Variants in CRMP1 observed in about 807,000 individuals in gnomAD.
CRMP1 encodes collapsin response mediator protein 1.
A neutral mutation model predicts 68.3 loss-of-function variants in CRMP1; 19 were observed. The ratio of observed to expected loss-of-function variants is 0.28; its 90% CI spans 0.19 to 0.41. The LOEUF (loss-of-function observed/expected upper bound fraction) is 0.41, where lower values mean the gene tolerates loss of function less well. CRMP1 is among the 10% of genes least tolerant of loss of function. The pLI, the probability that CRMP1 is intolerant of heterozygous loss-of-function variation, is 1.00. For missense variants in CRMP1, 791 were observed against 967.4 expected (o/e 0.82, Z 2.42); for synonymous variants, 439 against 399.6 (o/e 1.10, Z -1.18).
intron 3 of CRMP1, among the ~76,000 whole-genome samples, chr4:5,856,728 TATCGCTCATCACTATCATC>T (rs1366010604): frequency 1.3e-5 from 2 of 148,388 alleles, no homozygotes; most frequent in Non-Finnish European, 3.0e-5. Context: ...TCACTATCAT[TATCGCTCATCACTATCATC>T]ACCTCCACCA....
In CRMP1 at chr4:5,859,572, A is replaced by T. The variant is rs1713385122; in HGVS notation, c.655+1454T>A. Among the ~76,000 whole-genome samples, 1 of 152,210 alleles carries T rather than the reference A, an allele frequency of 6.6e-6. No homozygotes were observed. Among genetic ancestry groups the T allele is most frequent in the Non-Finnish European group, 1.5e-5 (1 of 68,032 alleles). On this transcript the variant is annotated intron_variant, in intron 3 of 13. Transcript: ENST00000324989. The surrounding 1 kb of genome is among the most constrained non-coding windows in gnomAD (Gnocchi z 5.2). Reference sequence around the variant, plus strand: ...CATAAGGCCCACATTATAGATGAGGAAGCTGAGGCTCAGAGAGGCTGAGTG... The same window carrying T: ...CATAAGGCCCACATTATAGATGAGGTAGCTGAGGCTCAGAGAGGCTGAGTG...
chr4:5,822,723 A>G (rs1436488691), intron 13 of CRMP1, among the ~76,000 whole-genome samples: 1 of 152,212 alleles, frequency 6.6e-6, no homozygotes, highest in Non-Finnish European at 1.5e-5. Context: ...GGCGGAACTG[A>G]GGAAAATCAA....
intron 1 of CRMP1, among the ~76,000 whole-genome samples, chr4:5,885,272 C>T (rs1715504438): frequency 6.6e-6 from 1 of 152,122 alleles, no homozygotes; most frequent in Non-Finnish European, 1.5e-5. Context: ...AACTCATTGG[C>T]AAAGCTACAC....
rs138405016 is a variant in CRMP1, at chr4:5,834,633, C to G, written c.1623+1282G>C. Among the ~76,000 whole-genome samples the G allele has an allele frequency of 5.9e-5, 9 of 152,332 alleles. No individual in the cohort carries two copies. In the South Asian group the frequency reaches 1.2e-3, roughly 21 times the overall value. ...CCAAGACACCCTCTCACTGGCAAGACCCTCTCAGACGCTCTCCCATTGCCT... is the reference window on the plus strand; with the variant it reads ...CCAAGACACCCTCTCACTGGCAAGAGCCTCTCAGACGCTCTCCCATTGCCT... On this transcript the variant is annotated intron_variant, in intron 11 of 13. Transcript: ENST00000324989. The surrounding 1 kb of genome is among the most constrained non-coding windows in gnomAD (Gnocchi z 4.3).
intron 12 of CRMP1, 103 bp downstream of exon 12, chr4:5,828,386 G>A: frequency 2.0e-6 from 3 of 1,468,752 alleles, no homozygotes; most frequent in Non-Finnish European, 2.7e-6. Flanking sequence ...GGTTCCCAGG[G>A]CGATGACATT....
At chr4:5,869,781 G>A (rs887033980) in intron 1 of CRMP1, among the ~76,000 whole-genome samples, 1 of 152,108 alleles carries the variant, frequency 6.6e-6, no homozygotes, top group African/African-American at 2.4e-5. Context: ...CAAGAACCTG[G>A]AGGCAGGTGG....
In CRMP1 at chr4:5,853,232, G is replaced by A. The variant is rs1712796603; in HGVS notation, c.821-1763C>T. Among the ~76,000 whole-genome samples the A allele has an allele frequency of 6.6e-6, 1 of 152,206 alleles. No individual in the cohort carries two copies. Among genetic ancestry groups the A allele is most frequent in the Admixed American group, 6.5e-5 (1 of 15,278 alleles). On this transcript the variant is annotated intron_variant, in intron 4 of 13. Coordinates refer to ENST00000324989, the MANE Select transcript of CRMP1 (RefSeq NM_001014809.3). This position sits in a 1 kb window ranked among gnomAD's most constrained non-coding sequence, Gnocchi z 4.7. ...GTTCAGGACCAGCCTGGCCAATATG[G>A]TGATACCCCGTCTCTACTAAAAATA...
rs150992026 is a variant in CRMP1, at chr4:5,889,355, C to T, written c.381+3234G>A. On this transcript the variant is annotated intron_variant, in intron 1 of 13. Transcript: ENST00000324989. This position sits in a 1 kb window ranked among gnomAD's most constrained non-coding sequence, Gnocchi z 4.5. ...TGTTTGGAGGGCTGGGCCACTGGCA[C>T]CAAGGTCTCCACAGCCCTGGGGACA... 2.4e-3 allele frequency among the ~76,000 whole-genome samples: 363 copies of T among 152,272 alleles called. 1 individual carries two copies. Among genetic ancestry groups the T allele is most frequent in the African/African-American group, 8.2e-3 (339 of 41,562 alleles).
rs186666757 is a variant in CRMP1 at position 5,828,387 on chromosome 4, C to T, written c.1803+102G>A. 3.0e-4 allele frequency: 441 copies of T among 1,470,774 alleles called. 1 individual carries two copies. In the African/African-American group the frequency reaches 3.4e-3, roughly 11 times the overall value. 91.1% of individuals were successfully genotyped at this position (1,470,774 alleles called of 1,614,324 possible). A position where few individuals can be genotyped will look rare whatever the true frequency, so the allele number is the denominator to read the frequency against. On this transcript the variant is annotated intron_variant, in intron 12 of 13. Coordinates refer to ENST00000324989, the MANE Select transcript of CRMP1 (RefSeq NM_001014809.3). ...GATAAGGAAACGGAGGTTCCCAGGG[C>T]GATGACATTATTAACTCTGCACACG...
At chr4:5,868,840 A>C (rs1714232807) in intron 1 of CRMP1, among the ~76,000 whole-genome samples, 1 of 152,216 alleles carries the variant, frequency 6.6e-6, no homozygotes, top group Non-Finnish European at 1.5e-5. Context: ...AACCTTATTT[A>C]CAGCCCTTGA....
At chr4:5,880,151 G>A (rs1173211518) in intron 1 of CRMP1, among the ~76,000 whole-genome samples, 1 of 152,196 alleles carries the variant, frequency 6.6e-6, no homozygotes, top group Non-Finnish European at 1.5e-5. Context: ...GCCATGTAAA[G>A]TGGTGATCTC....
chr4:5,868,295 A>ATAGATATATATATATCTATATC (rs1714181670), intron 1 of CRMP1, among the ~76,000 whole-genome samples: 1 of 99,372 alleles, frequency 1.0e-5, no homozygotes, highest in African/African-American at 5.0e-5. Flanking sequence ...ATATATATAT[A>ATAGATATATATATATCTATATC]TATATATACA....
At chr4:5,823,825 T>C (rs1047755257) in intron 13 of CRMP1, among the ~76,000 whole-genome samples, 2 of 152,202 alleles carry the variant, frequency 1.3e-5, no homozygotes, top group African/African-American at 4.8e-5. Flanking sequence ...CCTCAGGTAA[T>C]CCTTTATAGC....
intron 3 of CRMP1, among the ~76,000 whole-genome samples, chr4:5,856,624 TATC>T (rs1044126510): frequency 9.6e-5 from 13 of 134,718 alleles, no homozygotes; most frequent in Admixed American, 2.3e-4. Context: ...TGACCGCCAC[TATC>T]ATCATCATCA....
At chr4:5,863,144 A>T in intron 2 of CRMP1, among the ~76,000 whole-genome samples, 1 of 136,396 alleles carries the variant, frequency 7.3e-6, no homozygotes. Context: ...GAAACAGGAC[A>T]TTTCCTGAAC....
Position 5,893,079 on chromosome 4 carries a change from G to T in CRMP1, c.-110C>A, listed in dbSNP as rs1328726561. ...GGTGCGGGCCTGCGGCGGCCCGGGCGCGACTGCGGCCCAGGGAGGGGAGGG... is the reference window on the plus strand; with the variant it reads ...GGTGCGGGCCTGCGGCGGCCCGGGCTCGACTGCGGCCCAGGGAGGGGAGGG... On this transcript the variant is annotated 5_prime_UTR_variant, in exon 1 of 14. Transcript: ENST00000324989. The T allele has an allele frequency of 2.2e-5, 16 of 741,948 alleles. No homozygotes were observed. The highest frequency in any genetic ancestry group is 2.6e-5 in the Non-Finnish European group (16 of 609,228). 46.0% of individuals were successfully genotyped at this position (741,948 alleles called of 1,614,324 possible). A position where few individuals can be genotyped will look rare whatever the true frequency, so the allele number is the denominator to read the frequency against.
At position 5,841,311 on chromosome 4, in the gene CRMP1, T is replaced by C. The variant is rs150121214; in HGVS notation, c.1150A>G (p.Lys384Glu). The C allele has an allele frequency of 3.9e-5, 63 of 1,613,616 alleles. No homozygotes were observed. Among genetic ancestry groups the C allele is most frequent in the Admixed American group, 1.7e-5 (1 of 59,982 alleles). The change falls in exon 8 of 14, where the codon AAA (lysine) becomes GAA (glutamate). Residue 384 changes from lysine to glutamate, a missense_variant. Lys to Glu is a moderately conservative substitution (Grantham distance 56). Transcript: ENST00000324989. The surrounding 1 kb of genome is among the most constrained non-coding windows in gnomAD (Gnocchi z 6.9). ...AADIIALARK[K>E]GPLVFGEPIA... Reference sequence around the variant, plus strand: ...AGGCCCAGGGCCGGCTGCATACCTTTCTTCCTGGCCAGAGCGATGATGTCG... The same window carrying C: ...AGGCCCAGGGCCGGCTGCATACCTTCCTTCCTGGCCAGAGCGATGATGTCG...
At chr4:5,876,666 A>G (rs1273324145) in intron 1 of CRMP1, among the ~76,000 whole-genome samples, 5 of 152,146 alleles carry the variant, frequency 3.3e-5, no homozygotes, top group Non-Finnish European at 1.5e-5. Flanking sequence ...TAGTCCTTTA[A>G]AGGCCACATA....
intron 8 of CRMP1, among the ~76,000 whole-genome samples, chr4:5,840,363 G>A (rs766288389): frequency 2.0e-5 from 3 of 152,210 alleles, no homozygotes; most frequent in Non-Finnish European, 4.4e-5. Flanking sequence ...TGCAGGCAGA[G>A]GCTCGGGCTC....
Sources: allele counts gnomAD v4.1 joint callset (sites outside exome capture counted in the v4.1 genomes callset), GRCh38; gene constraint gnomAD v4.1.1; non-coding constraint Gnocchi (gnomAD v3.1); transcripts MANE v1.5; gene names NCBI Gene and HGNC (gene_info 2026-07-23, HGNC 2026-07-21).